The following PCDHGA1 variants were observed in gnomAD, a reference collection of about 807,000 sequenced individuals.
The protein encoded by PCDHGA1 is protocadherin gamma subfamily A, 1.
A neutral mutation model predicts 58.0 loss-of-function variants in PCDHGA1; 32 were observed. That is an observed-to-expected ratio of 0.55 (90% CI 0.42 to 0.74). The LOEUF (loss-of-function observed/expected upper bound fraction) is 0.74, where lower values mean the gene tolerates loss of function less well. Among genes scored for constraint, PCDHGA1 ranks in the 30% least tolerant of loss-of-function variants. The probability of loss-of-function intolerance (pLI) is 0.00; values close to 1 mark genes in which losing one functional copy is unlikely to be tolerated. For synonymous variants in PCDHGA1, 498 were observed against 501.1 expected (o/e 0.99, Z 0.08); for missense variants, 1,205 against 1,182.3 (o/e 1.02, Z -0.28).
In PCDHGA1 at chr5:141,356,956, T is replaced by C; in HGVS notation, c.2421+23851T>C. 6 of 1,614,202 alleles carry C rather than the reference T, an allele frequency of 3.7e-6. No homozygotes were observed. The African/African-American group carries it at 4.0e-5, about 11-fold the overall frequency. Reference sequence around the variant, plus strand: ...GGCACCCCGCTCCGCAGATTCCGGCTACCTGGTGACCAAAGTGGTGGCAGT... The same window carrying C: ...GGCACCCCGCTCCGCAGATTCCGGCCACCTGGTGACCAAAGTGGTGGCAGT... On this transcript the variant is annotated intron_variant, in intron 1 of 3. Transcript: ENST00000517417.
chr5:141,346,316 G>C (rs1324598241), intron 1 of PCDHGA1: 1 of 1,614,188 alleles, frequency 6.2e-7, no homozygotes, highest in Non-Finnish European at 8.5e-7. Flanking sequence ...CCCTCACTGC[G>C]GACTCGCGGA....
intron 1 of PCDHGA1, chr5:141,394,844 T>C (rs2093111751): frequency 6.2e-7 from 1 of 1,613,752 alleles, no homozygotes. Context: ...AGTTGGGCAG[T>C]CTGAAGCCTT....
intron 2 of PCDHGA1, among the ~76,000 whole-genome samples, chr5:141,497,865 A>G (rs1248242691): frequency 2.0e-5 from 3 of 152,168 alleles, no homozygotes; most frequent in Admixed American, 2.0e-4. Flanking sequence ...CAGCGGCTCC[A>G]AAGTGAAATA....
rs1310227506 is a variant in PCDHGA1, at chr5:141,432,214, CCAGATCACTTATTCCCTGG to C, written c.2422-62591_2422-62573del. ...ACGACCCCGACTGTGAAGAGAACGC[CCAGATCACTTATTCCCTGG>C]CTGAGAACACCATCCAAGGGGCAAG... is the stretch of plus-strand genomic sequence containing the variant. On this transcript the variant is annotated intron_variant, in intron 1 of 3. Transcript: ENST00000517417. This position sits in a 1 kb window ranked among gnomAD's most constrained non-coding sequence, Gnocchi z 6.0. 3.1e-6 allele frequency: 5 copies of C among 1,614,236 alleles called. No homozygotes were observed. The highest frequency in any genetic ancestry group is 4.2e-6 in the Non-Finnish European group (5 of 1,180,050).
intron 1 of PCDHGA1, chr5:141,350,769 A>G (rs1355616601): frequency 1.2e-6 from 2 of 1,613,850 alleles, no homozygotes; most frequent in African/African-American, 1.3e-5. Context: ...TACACCATCA[A>G]CCCCAATCAA....
At chr5:141,456,309 A>T (rs1305324857) in intron 1 of PCDHGA1, among the ~76,000 whole-genome samples, 1 of 152,138 alleles carries the variant, frequency 6.6e-6, no homozygotes, top group Non-Finnish European at 1.5e-5. Flanking sequence ...AACAGCAGCT[A>T]GGGCTCCTCC....
chr5:141,408,309 C>G, intron 1 of PCDHGA1: 1 of 1,613,816 alleles, frequency 6.2e-7, no homozygotes, highest in South Asian at 1.1e-5. Context: ...ATCCGCTACT[C>G]GATTCCGGAG....
intron 1 of PCDHGA1, among the ~76,000 whole-genome samples, chr5:141,430,346 C>G (rs1191705310): frequency 6.8e-6 from 1 of 148,074 alleles, no homozygotes; most frequent in Non-Finnish European, 1.5e-5. Context: ...ACTTCCAATT[C>G]ATTTAAAAGC....
intron 1 of PCDHGA1, chr5:141,394,791 C>G (rs919264078): frequency 6.2e-7 from 1 of 1,613,736 alleles, no homozygotes. Flanking sequence ...CACTGTCACG[C>G]TCACCGTAGC....
chr5:141,462,125 A>G (rs918645911), intron 1 of PCDHGA1, among the ~76,000 whole-genome samples: 24 of 151,688 alleles, frequency 1.6e-4, no homozygotes, highest in African/African-American at 5.6e-4. Flanking sequence ...ACCCAGTCCA[A>G]TTTTTTGTAT....
chr5:141,408,105 G>A (rs566753835), intron 1 of PCDHGA1: 22 of 1,439,788 alleles, frequency 1.5e-5, no homozygotes, highest in Admixed American at 8.2e-5. Context: ...TCCGAGACCC[G>A]GGACTCCTCC....
intron 1 of PCDHGA1, chr5:141,419,140 G>A (rs1359933027): frequency 1.2e-6 from 2 of 1,613,750 alleles, no homozygotes; most frequent in East Asian, 2.2e-5. Flanking sequence ...CCACAGACAG[G>A]GGCAAGCCTC....
chr5:141,338,060 G>T (rs1407738183), intron 1 of PCDHGA1, among the ~76,000 whole-genome samples: 4 of 152,096 alleles, frequency 2.6e-5, no homozygotes, highest in African/African-American at 9.7e-5. Flanking sequence ...CTTCAATCAT[G>T]CCCTCAAAAA....
Position 141,357,232 on chromosome 5 carries a change from C to T in PCDHGA1, c.2421+24127C>T, listed in dbSNP as rs753504558. On this transcript the variant is annotated intron_variant, in intron 1 of 3. Coordinates refer to ENST00000517417, the MANE Select transcript of PCDHGA1 (RefSeq NM_018912.3). ...AGATGTCCTGGCTGACTTGGGCAGCCTCAAGCCTTCAGCAGACCCAGACGA... is the reference window on the plus strand; with the variant it reads ...AGATGTCCTGGCTGACTTGGGCAGCTTCAAGCCTTCAGCAGACCCAGACGA... 5 of 1,613,846 alleles carry T rather than the reference C, an allele frequency of 3.1e-6. No homozygotes were observed. The Admixed American group carries it at 8.3e-5, about 27-fold the overall frequency.
At chr5:141,466,384 T>C (rs1209046694) in intron 1 of PCDHGA1, among the ~76,000 whole-genome samples, 9 of 152,168 alleles carry the variant, frequency 5.9e-5, no homozygotes, top group Non-Finnish European at 1.3e-4. Context: ...ACCCATCTAA[T>C]GGAAAGTTTG....
chr5:141,400,292 G>T, intron 1 of PCDHGA1: 1 of 1,614,078 alleles, frequency 6.2e-7, no homozygotes, highest in South Asian at 1.1e-5. Flanking sequence ...GCCTGGAGCT[G>T]CTTCCAACCT....
chr5:141,459,076 C>T (rs1474375780), intron 1 of PCDHGA1, among the ~76,000 whole-genome samples: 1 of 152,144 alleles, frequency 6.6e-6, no homozygotes, highest in Non-Finnish European at 1.5e-5. Context: ...ATAAAATTTG[C>T]CTTTTAAAAT....
Position 141,489,147 on chromosome 5 carries a change from A to G in PCDHGA1, c.2422-5660A>G. On this transcript the variant is annotated intron_variant, in intron 1 of 3. Coordinates refer to ENST00000517417, the MANE Select transcript of PCDHGA1 (RefSeq NM_018912.3). The surrounding 1 kb of genome is among the most constrained non-coding windows in gnomAD (Gnocchi z 4.5). ...GCAGTTTTTAAGAGGCTGGAAGGAG[A>G]CATAAGAGACTTCAGCTGCTGCATT... The G allele has an allele frequency of 1.2e-6, 1 of 802,676 alleles. No homozygotes were observed. Among genetic ancestry groups the G allele is most frequent in the Non-Finnish European group, 1.9e-6 (1 of 528,868 alleles). 49.7% of individuals were successfully genotyped at this position (802,676 alleles called of 1,614,324 possible). A position where few individuals can be genotyped will look rare whatever the true frequency, so the allele number is the denominator to read the frequency against.
chr5:141,351,323 G>C (rs1326758145), intron 1 of PCDHGA1: 1 of 1,613,832 alleles, frequency 6.2e-7, no homozygotes, highest in Admixed American at 1.7e-5. Context: ...GATTCCAGAG[G>C]ATTCAGACCT....
Sources: allele counts gnomAD v4.1 joint callset (sites outside exome capture counted in the v4.1 genomes callset), GRCh38; gene constraint gnomAD v4.1.1; non-coding constraint Gnocchi (gnomAD v3.1); transcripts MANE v1.5; gene names NCBI Gene and HGNC (gene_info 2026-07-23, HGNC 2026-07-21).